The following VPS51 variants were observed in gnomAD, a reference collection of about 807,000 sequenced individuals.
VPS51 encodes vacuolar protein sorting-associated protein 51 homolog.
VPS51 carries 55 observed loss-of-function variants against 65.1 expected under a neutral mutation model. That is an observed-to-expected ratio of 0.84 (90% confidence interval 0.68 to 1.06). The LOEUF (loss-of-function observed/expected upper bound fraction) is 1.06. Among genes scored for constraint, VPS51 ranks in the 50% least tolerant of loss-of-function variants. VPS51 has a pLI of 0.00. For synonymous variants in VPS51, 473 were observed against 489.5 expected (o/e 0.97, Z 0.44); for missense variants, 943 against 1,101.6 (o/e 0.86, Z 2.04).
Position 65,096,349 on chromosome 11 carries a change from G to C in VPS51, c.99G>C (p.Ala33=), listed in dbSNP as rs533209939. The change falls in exon 1 of 10, where the codon GCG becomes GCC. Residue 33 remains alanine (A), a synonymous_variant. Transcript: ENST00000279281. ...AGGCTCCGGAGCGTCGGCGGAAGGC[G>C]CACGGGATGCTGAAGCTTTACTACG... ...EGEAPERRRK[A]HGMLKLYYGL... The C allele has an allele frequency of 6.0e-5, 91 of 1,526,270 alleles. 1 individual carries two copies. The East Asian group carries it at 2.2e-3, about 37-fold the overall frequency. The allele number at this position is 1,526,270 out of a possible 1,614,324, so 94.5% of individuals were successfully genotyped here. A position where few individuals can be genotyped will look rare whatever the true frequency, so the allele number is the denominator to read the frequency against.
intron 2 of VPS51, among the ~76,000 whole-genome samples, chr11:65,102,256 C>G (rs997245029): frequency 6.6e-6 from 1 of 152,164 alleles, no homozygotes; most frequent in Non-Finnish European, 1.5e-5. Flanking sequence ...ATCCACCTGC[C>G]TTGGCCTCCC....
At position 65,111,649 on chromosome 11, in the gene VPS51, G is replaced by A. The variant is rs749868966; in HGVS notation, c.*62G>A. 30 of 1,521,226 alleles carry A rather than the reference G, an allele frequency of 2.0e-5. No individual in the cohort carries two copies. Among genetic ancestry groups the A allele is most frequent in the Non-Finnish European group, 2.4e-5 (27 of 1,137,990 alleles). 94.2% of individuals were successfully genotyped at this position (1,521,226 alleles called of 1,614,324 possible). A position where few individuals can be genotyped will look rare whatever the true frequency, so the allele number is the denominator to read the frequency against. ...CCCATGGCACCCAGGATCTGGTCTC[G>A]GTGGTCCTTCCCCGCAGGCAGGTGT... On this transcript the variant is annotated 3_prime_UTR_variant, in exon 10 of 10. Transcript: ENST00000279281.
rs200634225 is a variant in VPS51 at position 65,103,902 on chromosome 11, G to GTT, written c.359-3668_359-3667dup. Among the ~76,000 whole-genome samples, 1,269 of 135,366 alleles carry GTT rather than the reference G, an allele frequency of 9.4e-3. 22 individuals are homozygous for GTT. Among genetic ancestry groups the GTT allele is most frequent in the African/African-American group, 0.032 (1,187 of 37,360 alleles). 88.8% of individuals were successfully genotyped at this position (135,366 alleles called of 152,430 possible). On this transcript the variant is annotated intron_variant, in intron 2 of 9. Transcript: ENST00000279281. Reference sequence around the variant, plus strand: ...TAACGTTTACAGGGTGTTTTTTTTTGTTTTTTTTTTTTAGGGCTTTCTATT... The same window carrying GTT: ...TAACGTTTACAGGGTGTTTTTTTTTGTTTTTTTTTTTTTTAGGGCTTTCTATT...
At chr11:65,111,277 C>T in intron 9 of VPS51, 50 bp from the exon 10 acceptor site, 1 of 1,598,006 alleles carries the variant, frequency 6.3e-7, no homozygotes, top group Non-Finnish European at 8.5e-7. Flanking sequence ...TGGGTGTCCC[C>T]CACACACACC....
intron 2 of VPS51, among the ~76,000 whole-genome samples, chr11:65,102,777 G>C (rs1181606545): frequency 1.3e-5 from 2 of 152,178 alleles, no homozygotes; most frequent in African/African-American, 4.8e-5. Flanking sequence ...CCTCGGCTCT[G>C]CTTTTATTGT....
Position 65,107,432 on chromosome 11 carries a change from C to T in VPS51, c.359-149C>T. 1.1e-6 allele frequency: 1 copy of T among 925,140 alleles called. No individual in the cohort carries two copies. The highest frequency in any genetic ancestry group is 1.6e-6 in the Non-Finnish European group (1 of 624,022). 57.3% of individuals were successfully genotyped at this position (925,140 alleles called of 1,614,324 possible). On this transcript the variant is annotated intron_variant, in intron 2 of 9. Transcript: ENST00000279281. This position sits in a 1 kb window ranked among gnomAD's most constrained non-coding sequence, Gnocchi z 4.0. ...TCCCCCGCCCCCATGTGCGCTGTGA[C>T]CCACGCCCTCGCAGTCCTTTCTCTG...
Position 65,107,453 on chromosome 11 carries a change from C to A in VPS51, c.359-128C>A. The A allele has an allele frequency of 1.7e-6, 2 of 1,182,136 alleles. No individual in the cohort carries two copies. Among genetic ancestry groups the A allele is most frequent in the Non-Finnish European group, 2.4e-6 (2 of 846,684 alleles). The allele number at this position is 1,182,136 out of a possible 1,614,324, so 73.2% of individuals were successfully genotyped here. ...GTGACCCACGCCCTCGCAGTCCTTT[C>A]TCTGGAATCATCCATGCGCCCCTGG... On this transcript the variant is annotated intron_variant, in intron 2 of 9. Transcript: ENST00000279281. This position sits in a 1 kb window ranked among gnomAD's most constrained non-coding sequence, Gnocchi z 4.0.
intron 2 of VPS51, among the ~76,000 whole-genome samples, chr11:65,104,679 CCATT>C: frequency 6.6e-6 from 1 of 152,252 alleles, no homozygotes; most frequent in South Asian, 2.1e-4. Context: ...CCTTGCATCT[CCATT>C]CATAAGAGAT....
At chr11:65,109,071 C>A in intron 5 of VPS51, 157 bp downstream of exon 5, 1 of 1,077,720 alleles carries the variant, frequency 9.3e-7, no homozygotes, top group Non-Finnish European at 1.4e-6. Flanking sequence ...AGGGCATCTG[C>A]AGCTGGGCTG....
chr11:65,108,534 C>T lies in VPS51; in HGVS notation c.1063C>T (p.Arg355Trp), dbSNP rs754097499. 8 of 1,584,832 alleles carry T rather than the reference C, an allele frequency of 5.0e-6. No individual in the cohort carries two copies. The highest frequency in any genetic ancestry group is 5.1e-6 in the Non-Finnish European group (6 of 1,172,110). ...CCGCTATTTTGCGCTGGTGGAGCGG[C>T]GGCTGGCGCAGGAGCAGGGTGGTGG... The part of the protein sequence containing the change: ...GSRYFALVER[R>W]LAQEQGGGDN... Residue 355 changes from arginine to tryptophan, a missense_variant, in exon 5 of 10, where the codon CGG (arginine) becomes TGG (tryptophan). Coordinates refer to ENST00000279281, the MANE Select transcript of VPS51 (RefSeq NM_013265.4).
chr11:65,106,292 A>G (rs1416481451), intron 2 of VPS51, among the ~76,000 whole-genome samples: 1 of 152,224 alleles, frequency 6.6e-6, no homozygotes, highest in African/African-American at 2.4e-5. Context: ...GAGACTAGGT[A>G]ACTTATAAAG....
Position 65,107,258 on chromosome 11 carries a change from G to C in VPS51, c.359-323G>C. 1.9e-6 allele frequency: 1 copy of C among 529,080 alleles called. No individual in the cohort carries two copies. Among genetic ancestry groups the C allele is most frequent in the Admixed American group, 2.2e-5 (1 of 44,482 alleles). The allele number at this position is 529,080 out of a possible 1,614,324, so 32.8% of individuals were successfully genotyped here. A position where few individuals can be genotyped will look rare whatever the true frequency, so the allele number is the denominator to read the frequency against. On this transcript the variant is annotated intron_variant, in intron 2 of 9. Transcript: ENST00000279281. The surrounding 1 kb of genome is among the most constrained non-coding windows in gnomAD (Gnocchi z 4.0). Reference sequence around the variant, plus strand: ...CCTTGGCTGCTTGTGGTCTGATGGAGCAGTTGAGGCACAGTGGTGGCAGCT... The same window carrying C: ...CCTTGGCTGCTTGTGGTCTGATGGACCAGTTGAGGCACAGTGGTGGCAGCT...
At chr11:65,096,529 G>A (rs1277501098) in intron 1 of VPS51, 51 bp downstream of exon 1, 2 of 1,366,698 alleles carry the variant, frequency 1.5e-6, no homozygotes, top group South Asian at 2.8e-5. Flanking sequence ...AAGGGAACCA[G>A]GCCCCTGCTA....
chr11:65,110,639 C>G (rs954408025), intron 8 of VPS51, 36 bp downstream of exon 8: 1 of 1,613,984 alleles, frequency 6.2e-7, no homozygotes. Flanking sequence ...GGGGAAGGGA[C>G]AAAAGAGGGC....
At position 65,107,709 on chromosome 11, in the gene VPS51, C is replaced by G. The variant is rs753315034; in HGVS notation, c.487C>G (p.Arg163Gly). The G allele has an allele frequency of 2.5e-6, 4 of 1,608,966 alleles. No individual in the cohort carries two copies. The highest frequency in any genetic ancestry group is 2.2e-5 in the East Asian group (1 of 44,732). ...CGCCACGCTGCAGGACCGCCACGAG[C>G]GCATCACCAAGCTGGCAGGTGGGCG... ...ISATLQDRHE[R>G]ITKLAGVHAL... is the part of the protein sequence containing the mutation. Residue 163 changes from arginine to glycine, a missense_variant, in exon 3 of 10, where the codon CGC becomes GGC. Physicochemically the swap from Arg to Gly is moderately radical, Grantham distance 125 (BLOSUM62 -2). Around this residue, in one of 2 missense-constraint regions of VPS51, gnomAD observed 855 missense variants for 953.7 expected, o/e 0.90. Coordinates refer to ENST00000279281, the MANE Select transcript of VPS51 (RefSeq NM_013265.4). The surrounding 1 kb of genome is among the most constrained non-coding windows in gnomAD (Gnocchi z 4.0).
Position 65,111,821 on chromosome 11 carries a change from C to A in VPS51, c.*234C>A, listed in dbSNP as rs1947907107. 2.2e-6 allele frequency: 2 copies of A among 926,496 alleles called. No homozygotes were observed. Among genetic ancestry groups the A allele is most frequent in the Non-Finnish European group, 3.2e-6 (2 of 627,664 alleles). The allele number at this position is 926,496 out of a possible 1,614,324, so 57.4% of individuals were successfully genotyped here. ...CGATTGGCTGGTGTGCTGGGCCCAG[C>A]ATGGGCAGGGGGCGGTTCCACTTAA... is the stretch of plus-strand genomic sequence containing the variant. On this transcript the variant is annotated 3_prime_UTR_variant, in exon 10 of 10. Coordinates refer to ENST00000279281, the MANE Select transcript of VPS51 (RefSeq NM_013265.4).
intron 9 of VPS51, 36 bp from the exon 10 acceptor site, chr11:65,111,291 A>C (rs775152716): frequency 2.5e-6 from 4 of 1,599,036 alleles, no homozygotes; most frequent in South Asian, 2.2e-5. Flanking sequence ...ACACACCTGC[A>C]GTCCCCAAGC....
chr11:65,111,144 T>C, intron 9 of VPS51, 183 bp from the exon 10 acceptor site: 1 of 933,170 alleles, frequency 1.1e-6, no homozygotes, highest in Non-Finnish European at 1.7e-6. Context: ...GGGCCCTACC[T>C]GTCCCCTGCC....
chr11:65,096,512 A>AGGGGGGGGTGGGGGGGGGGGGGGGGG, intron 1 of VPS51, 34 bp downstream of exon 1: 1 of 440,866 alleles, frequency 2.3e-6, no homozygotes, highest in Non-Finnish European at 3.9e-6. Context: ...GGGTGCGGGG[A>AGGGGGGGGTGGGGGGGGGGGGGGGGG]GGGGGGAAGG....
Sources: allele counts gnomAD v4.1 joint callset (sites outside exome capture counted in the v4.1 genomes callset), GRCh38; gene constraint gnomAD v4.1.1; regional missense constraint gnomAD v4.1.1; non-coding constraint Gnocchi (gnomAD v3.1); transcripts MANE v1.5; gene names NCBI Gene and HGNC (gene_info 2026-07-23, HGNC 2026-07-21).